TRAPPC11: variants seen among roughly 807,000 people sequenced by gnomAD.
The protein encoded by TRAPPC11 is trafficking protein particle complex subunit 11, also known as foie gras homolog.
In TRAPPC11, 104 loss-of-function variants were observed where a neutral mutation model predicts 151.2. The observed-to-expected ratio is 0.69, with a 90% CI of 0.59 to 0.81. The LOEUF is 0.81. Among genes scored for constraint, TRAPPC11 ranks in the 30% least tolerant of loss-of-function variants. The pLI is 0.00. For synonymous variants in TRAPPC11, 456 were observed against 472.3 expected, an observed-to-expected ratio of 0.97 and a Z score of 0.45; for missense variants, 1,230 against 1,349.6, an observed-to-expected ratio of 0.91 and a Z score of 1.39.
chr4:183,708,993 G>GT lies in TRAPPC11; in HGVS notation c.3357+429dup, dbSNP rs112787416. Among the ~76,000 whole-genome samples, 141 of 149,454 alleles carry GT rather than the reference G, an allele frequency of 9.4e-4. 1 individual carries two copies. The highest frequency in any genetic ancestry group is 2.1e-3 in the African/African-American group (85 of 40,830). On this transcript the variant is annotated intron_variant, in intron 29 of 29. Coordinates refer to ENST00000334690, the MANE Select transcript of TRAPPC11 (RefSeq NM_021942.6). ...CTCAGAAACTATACTCTGATTTAATGTTTTTTTTTTAATTACACAATTTCC... is the reference window on the plus strand; with the variant it reads ...CTCAGAAACTATACTCTGATTTAATGTTTTTTTTTTTAATTACACAATTTCC...
chr4:183,666,206 G>C, intron 2 of TRAPPC11, 51 bp from the exon 3 acceptor site: 2 of 1,562,264 alleles, frequency 1.3e-6, no homozygotes, highest in Non-Finnish European at 8.7e-7. Context: ...TCAGTAACAG[G>C]TGGTTTCTGC....
intron 10 of TRAPPC11, 26 bp downstream of exon 10, chr4:183,680,293 A>C (rs1404284646): frequency 6.3e-7 from 1 of 1,599,080 alleles, no homozygotes; most frequent in Non-Finnish European, 8.5e-7. Flanking sequence ...CGTATTATCT[A>C]GCACATAGAA....
intron 25 of TRAPPC11, among the ~76,000 whole-genome samples, chr4:183,698,872 A>C (rs1247615688): frequency 6.6e-6 from 1 of 152,202 alleles, no homozygotes. Context: ...CTGCAGAGAA[A>C]AACTACACTC....
chr4:183,666,656 C>T (rs962039992), intron 3 of TRAPPC11, among the ~76,000 whole-genome samples: 1 of 152,134 alleles, frequency 6.6e-6, no homozygotes, highest in Admixed American at 6.6e-5. Context: ...AAATGTTTTT[C>T]TTGTATTATC....
rs765625395 is a variant in TRAPPC11 at position 183,667,952 on chromosome 4, G to A, written c.446-51G>A. The A allele has an allele frequency of 2.6e-6, 3 of 1,145,096 alleles. No individual in the cohort carries two copies. In the South Asian group the frequency reaches 3.8e-5, roughly 15 times the overall value. 70.9% of individuals were successfully genotyped at this position (1,145,096 alleles called of 1,614,324 possible). ...ACTTGGGGAAATATTTATTTGGGAA[G>A]CTACATTAGTTATTTTATTTCTCAT... On this transcript the variant is annotated intron_variant, in intron 4 of 29. Transcript: ENST00000334690.
Position 183,660,641 on chromosome 4 carries a change from T to C in TRAPPC11, c.-22+1194T>C, listed in dbSNP as rs1159289799. On this transcript the variant is annotated intron_variant, in intron 1 of 29. Transcript: ENST00000334690. ...TATGTCTTTTGGGCCTCTGGAGTTATTACAGGAAATGGCCTCTAGTCTAGA... is the reference window on the plus strand; with the variant it reads ...TATGTCTTTTGGGCCTCTGGAGTTACTACAGGAAATGGCCTCTAGTCTAGA... Among the ~76,000 whole-genome samples, 5 of 152,362 alleles carry C rather than the reference T, an allele frequency of 3.3e-5. No homozygotes were observed. In the East Asian group the frequency reaches 9.6e-4, roughly 29 times the overall value.
chr4:183,674,879 T>C, intron 6 of TRAPPC11, 67 bp downstream of exon 6: 1 of 978,042 alleles, frequency 1.0e-6, no homozygotes, highest in Non-Finnish European at 1.6e-6. Context: ...AGGTGATTAT[T>C]ACATGTTCTT....
intron 18 of TRAPPC11, 38 bp downstream of exon 18, chr4:183,686,786 CTTA>C: frequency 6.2e-7 from 1 of 1,602,108 alleles, no homozygotes; most frequent in Non-Finnish European, 8.5e-7. Context: ...CCACGTTTAT[CTTA>C]TTGTAGCTTA....
chr4:183,667,433 AT>A (rs573773150), intron 4 of TRAPPC11, among the ~76,000 whole-genome samples: 2 of 151,846 alleles, frequency 1.3e-5, no homozygotes, highest in Non-Finnish European at 1.5e-5. Context: ...CAAGAGTATA[AT>A]TTTTTTTGAC....
intron 17 of TRAPPC11, among the ~76,000 whole-genome samples, chr4:183,685,609 A>T (rs1236080635): frequency 6.6e-6 from 1 of 152,134 alleles, no homozygotes; most frequent in Non-Finnish European, 1.5e-5. Context: ...TTTAAAATAC[A>T]CTTTGCTCAT....
intron 19 of TRAPPC11, among the ~76,000 whole-genome samples, chr4:183,692,614 A>G (rs1036489719): frequency 1.3e-5 from 2 of 152,220 alleles, no homozygotes; most frequent in Non-Finnish European, 1.5e-5. Flanking sequence ...ATGTATCCAT[A>G]GCCATCACAA....
chr4:183,703,422 A>T (rs1467966146), intron 26 of TRAPPC11, among the ~76,000 whole-genome samples: 1 of 152,118 alleles, frequency 6.6e-6, no homozygotes, highest in African/African-American at 2.4e-5. Context: ...GTTTAGTTTT[A>T]TTTTTTTGTT....
Position 183,693,057 on chromosome 4 carries a change from C to T in TRAPPC11, c.2147C>T (p.Ala716Val). 6.2e-7 allele frequency: 1 copy of T among 1,613,674 alleles called. No homozygotes were observed. The highest frequency in any genetic ancestry group is 8.5e-7 in the Non-Finnish European group (1 of 1,179,762). ...GGAGATGCTGCTTCCTCCCAAGAAG[C>T]CTTACAGGCAGCTCGGTCTTTCAAA... is the stretch of plus-strand genomic sequence containing the variant. ...GGGDAASSQE[A>V]LQAARSFKRR... The change falls in exon 20 of 30, where the codon GCC (alanine) becomes GTC (valine). Residue 716 changes from alanine to valine, a missense_variant. Coordinates refer to ENST00000334690, the MANE Select transcript of TRAPPC11 (RefSeq NM_021942.6).
chr4:183,700,776 A>C (rs1012710039), intron 25 of TRAPPC11: 4 of 152,154 alleles, frequency 2.6e-5, no homozygotes, highest in African/African-American at 9.7e-5. Context: ...CATTATACTT[A>C]GTGGGTGAGC....
chr4:183,669,615 A>G (rs764536599), intron 5 of TRAPPC11, among the ~76,000 whole-genome samples: 9 of 152,206 alleles, frequency 5.9e-5, no homozygotes, highest in Non-Finnish European at 5.9e-5. Flanking sequence ...ATTACCTTCC[A>G]GAGACTATTT....
At position 183,683,997 on chromosome 4, in the gene TRAPPC11, AAAAG is replaced by A; in HGVS notation, c.1234_1237del (p.Glu412ArgfsTer9). ...CAGGTTTTGATCTTTCTGATCCTGA[AAAAG>A]AAAAGGTGGGAATTCTTGCCATTCA... is the stretch of plus-strand genomic sequence containing the variant. On this transcript the variant is annotated frameshift_variant, in exon 12 of 30. Coordinates refer to ENST00000334690, the MANE Select transcript of TRAPPC11 (RefSeq NM_021942.6). LOFTEE classifies it high-confidence loss of function. The A allele has an allele frequency of 6.2e-7, 1 of 1,614,078 alleles. No individual in the cohort carries two copies.
At chr4:183,664,186 C>A in intron 2 of TRAPPC11, 115 bp downstream of exon 2, 4 of 878,008 alleles carry the variant, frequency 4.6e-6, no homozygotes, top group Non-Finnish European at 5.4e-6. Flanking sequence ...CACAGTGGTG[C>A]ATAAAGAAAG....
rs753631615 is a variant in TRAPPC11, at chr4:183,663,993, A to G, written c.126A>G (p.Ala42=). The G allele has an allele frequency of 6.2e-7, 1 of 1,613,980 alleles. No homozygotes were observed. The highest frequency in any genetic ancestry group is 8.5e-7 in the Non-Finnish European group (1 of 1,180,038). Residue 42 remains alanine, a synonymous_variant, in exon 2 of 30, where the codon GCA becomes GCG. Transcript: ENST00000334690. ...GAGCTGTCTGGGACGCCTTCTGTGC[A>G]AATCGGAGAGCTGATCGAGTACCAA... ...VHRAVWDAFC[A]NRRADRVPIS...
At chr4:183,675,024 G>T (rs1735343855) in intron 6 of TRAPPC11, 140 bp from the exon 7 acceptor site, 3 of 552,388 alleles carry the variant, frequency 5.4e-6, no homozygotes, top group Non-Finnish European at 9.1e-6. Context: ...TCTTAATTGT[G>T]CCTTTATTTG....
Sources: gnomAD v4.1 joint callset for allele counts (sites outside exome capture counted in the v4.1 genomes callset) on GRCh38, gnomAD v4.1.1 for gene constraint, MANE v1.5 for transcripts, NCBI Gene and HGNC (gene_info 2026-07-23, HGNC 2026-07-21) for gene names.